Variants in EXOC6B observed in about 807,000 individuals in gnomAD.
The protein encoded by EXOC6B is SEC15 homolog B.
Under a neutral mutation model 113.5 loss-of-function variants are expected in EXOC6B, and 54 were observed. The observed-to-expected ratio is 0.48, with a 90% CI of 0.38 to 0.60. The LOEUF (loss-of-function observed/expected upper bound fraction) is 0.60. Ranked by LOEUF, EXOC6B falls within the 20% of genes least tolerant of loss-of-function variation. EXOC6B has a pLI of 0.00. For synonymous variants in EXOC6B, 357 were observed against 339.0 expected, an observed-to-expected ratio of 1.05 and a Z score of -0.58; for missense variants, 797 against 977.5, an observed-to-expected ratio of 0.82 and a Z score of 2.46.
chr2:72,282,846 T>C (rs1463072376), intron 20 of EXOC6B, among the ~76,000 whole-genome samples: 1 of 152,160 alleles, frequency 6.6e-6, no homozygotes, highest in Non-Finnish European at 1.5e-5. Context: ...AGAGTTGATC[T>C]GCCCAGAAGA....
At chr2:72,343,764 G>C (rs1467759101) in intron 19 of EXOC6B, among the ~76,000 whole-genome samples, 1 of 151,796 alleles carries the variant, frequency 6.6e-6, no homozygotes, top group East Asian at 1.9e-4. Context: ...AATACATATT[G>C]ATAGTTTTTT....
chr2:72,662,071 AG>A (rs1365192794), intron 6 of EXOC6B, among the ~76,000 whole-genome samples: 15 of 114,634 alleles, frequency 1.3e-4, no homozygotes, highest in African/African-American at 5.0e-4. Context: ...GAAGGAAGGG[AG>A]GAAAGGGAGG....
At chr2:72,741,260 C>A in intron 2 of EXOC6B, 44 bp downstream of exon 2, 2 of 1,566,516 alleles carry the variant, frequency 1.3e-6, no homozygotes, top group Non-Finnish European at 1.7e-6. Flanking sequence ...TAATCAAAAC[C>A]CCAACACAGG....
At chr2:72,225,265 T>C (rs1681162741) in intron 20 of EXOC6B, among the ~76,000 whole-genome samples, 2 of 152,180 alleles carry the variant, frequency 1.3e-5, no homozygotes, top group Admixed American at 1.3e-4. Flanking sequence ...GAAATGGCAA[T>C]ATAAATATCA....
At chr2:72,534,149 T>C (rs1702155542) in intron 8 of EXOC6B, among the ~76,000 whole-genome samples, 1 of 152,084 alleles carries the variant, frequency 6.6e-6, no homozygotes, top group Non-Finnish European at 1.5e-5. Flanking sequence ...TTCAGCAGTG[T>C]GGGATGTTGA....
chr2:72,244,577 T>G (rs1682536387), intron 20 of EXOC6B, among the ~76,000 whole-genome samples: 1 of 151,736 alleles, frequency 6.6e-6, no homozygotes. Context: ...CCAATAAAAC[T>G]GAAACATAAA....
intron 6 of EXOC6B, among the ~76,000 whole-genome samples, chr2:72,628,283 C>T (rs577566305): frequency 1.3e-5 from 2 of 152,020 alleles, no homozygotes; most frequent in African/African-American, 4.8e-5. Context: ...ACCACCACTG[C>T]TGCCTAATTT....
At chr2:72,389,206 T>G (rs973228071) in intron 18 of EXOC6B, among the ~76,000 whole-genome samples, 1 of 152,074 alleles carries the variant, frequency 6.6e-6, no homozygotes. Context: ...CACTTTTGAC[T>G]TAATAGTTAT....
intron 7 of EXOC6B, among the ~76,000 whole-genome samples, chr2:72,574,111 CAAAAAAA>C (rs11364486): frequency 9.1e-6 from 1 of 110,364 alleles, no homozygotes. Flanking sequence ...GACTCCATCG[CAAAAAAA>C]AAAAAAAAAA....
At chr2:72,654,936 G>T (rs1674477601) in intron 6 of EXOC6B, among the ~76,000 whole-genome samples, 1 of 152,154 alleles carries the variant, frequency 6.6e-6, no homozygotes, top group Admixed American at 6.5e-5. Context: ...CGCATAAATA[G>T]TAATAAATAA....
intron 18 of EXOC6B, among the ~76,000 whole-genome samples, chr2:72,441,850 C>T (rs1696219455): frequency 6.6e-6 from 1 of 152,224 alleles, no homozygotes; most frequent in African/African-American, 2.4e-5. Context: ...ACCATTCCTA[C>T]TGAAACTATT....
chr2:72,529,450 C>A (rs1460220392), intron 8 of EXOC6B, among the ~76,000 whole-genome samples: 1 of 152,144 alleles, frequency 6.6e-6, no homozygotes, highest in African/African-American at 2.4e-5. Flanking sequence ...TTTTACCTGG[C>A]TTTACCTTAA....
chr2:72,678,973 TA>T (rs1353663410), intron 6 of EXOC6B, among the ~76,000 whole-genome samples: 1 of 152,278 alleles, frequency 6.6e-6, no homozygotes, highest in East Asian at 1.9e-4. Context: ...GGATAACTCT[TA>T]AAATTATTCC....
intron 6 of EXOC6B, among the ~76,000 whole-genome samples, chr2:72,713,877 C>A (rs1033114194): frequency 6.6e-6 from 1 of 152,136 alleles, no homozygotes; most frequent in Admixed American, 6.5e-5. Flanking sequence ...ATTCATCAAA[C>A]CTATTTCTTC....
chr2:72,294,224 A>C (rs1213412118), intron 20 of EXOC6B, among the ~76,000 whole-genome samples: 1 of 152,150 alleles, frequency 6.6e-6, no homozygotes, highest in Non-Finnish European at 1.5e-5. Context: ...ATAAACAGAA[A>C]GAAAAGATGG....
intron 6 of EXOC6B, among the ~76,000 whole-genome samples, chr2:72,678,928 T>A (rs567772715): frequency 4.1e-4 from 62 of 152,178 alleles, no homozygotes; most frequent in Non-Finnish European, 8.1e-4. Flanking sequence ...TACCTCAAGA[T>A]ACAATCTCTC....
At chr2:72,403,221 G>T (rs1210528036) in intron 18 of EXOC6B, among the ~76,000 whole-genome samples, 1 of 152,136 alleles carries the variant, frequency 6.6e-6, no homozygotes, top group Non-Finnish European at 1.5e-5. Flanking sequence ...TGTCTGCATT[G>T]TAATTTTTTG....
intron 6 of EXOC6B, among the ~76,000 whole-genome samples, chr2:72,682,837 C>T (rs534399191): frequency 6.6e-6 from 1 of 152,100 alleles, no homozygotes; most frequent in African/African-American, 2.4e-5. Flanking sequence ...CAAATCCTAT[C>T]GTGGGGTTTC....
At position 72,495,529 on chromosome 2, in the gene EXOC6B, G is replaced by A; in HGVS notation, c.1454C>T (p.Pro485Leu). The change falls in exon 15 of 22, where the codon CCA becomes CTA. Residue 485 changes from proline (P) to leucine (L), a missense_variant. Physicochemically the swap from Pro to Leu is moderately conservative, Grantham distance 98 (BLOSUM62 -3). Coordinates refer to ENST00000272427, the MANE Select transcript of EXOC6B (RefSeq NM_015189.3). ...AAATTCAGAGAAAGGAAACTTTTTTGGAAATGGTTGCTGTAAATGCAAGAA... is the reference window on the plus strand; with the variant it reads ...AAATTCAGAGAAAGGAAACTTTTTTAGAAATGGTTGCTGTAAATGCAAGAA... ...QDIELEKQPF[P>L]KKFPFSEFVP... 6.3e-7 allele frequency: 1 copy of A among 1,590,120 alleles called. No individual in the cohort carries two copies. Among genetic ancestry groups the A allele is most frequent in the Non-Finnish European group, 8.6e-7 (1 of 1,161,798 alleles).
Sources: allele counts gnomAD v4.1 joint callset (sites outside exome capture counted in the v4.1 genomes callset), GRCh38; gene constraint gnomAD v4.1.1; transcripts MANE v1.5; gene names NCBI Gene and HGNC (gene_info 2026-07-23, HGNC 2026-07-21).